The following JAKMIP1 variants were observed in gnomAD, a reference collection of about 807,000 sequenced individuals.
JAKMIP1 encodes janus kinase and microtubule interacting protein 1.
JAKMIP1 carries 33 observed loss-of-function variants against 113.0 expected under a neutral mutation model. The ratio of observed to expected loss-of-function variants is 0.29; its 90% confidence interval spans 0.22 to 0.39. The LOEUF (loss-of-function observed/expected upper bound fraction) is 0.39, where lower values mean the gene tolerates loss of function less well. Ranked by LOEUF, JAKMIP1 falls within the 10% of genes least tolerant of loss-of-function variation. JAKMIP1 has a pLI of 1.00. For synonymous variants in JAKMIP1, 480 were observed against 459.9 expected, an observed-to-expected ratio of 1.04 and a Z score of -0.56; for missense variants, 813 against 1,080.5, an observed-to-expected ratio of 0.75 and a Z score of 3.47.
In JAKMIP1 at chr4:6,083,355, A is replaced by G. The variant is rs183534098; in HGVS notation, c.954+1491T>C. Among the ~76,000 whole-genome samples the G allele has an allele frequency of 1.0e-3, 151 of 151,510 alleles. 1 individual carries two copies. The highest frequency in any genetic ancestry group is 3.4e-3 in the African/African-American group (140 of 41,204). ...GAGGCAGAGGTTGCAGTGAGCTGAGATCACATCACCTCACTCAAACCTGGG... is the reference window on the plus strand; with the variant it reads ...GAGGCAGAGGTTGCAGTGAGCTGAGGTCACATCACCTCACTCAAACCTGGG... On this transcript the variant is annotated intron_variant, in intron 5 of 20. Transcript: ENST00000409021.
Position 6,183,613 on chromosome 4 carries a change from T to G in JAKMIP1, c.-148+16640A>C, listed in dbSNP as rs1239556813. On this transcript the variant is annotated intron_variant, in intron 1 of 20. Coordinates refer to ENST00000409021, the MANE Select transcript of JAKMIP1 (RefSeq NM_001099433.2). This position sits in a 1 kb window ranked among gnomAD's most constrained non-coding sequence, Gnocchi z 5.3. ...AGTCCTGGTGCTCCTTGAAGATGTT[T>G]GGGAGGGCCAGGAGTCAAAGGTCTG... 1.3e-5 allele frequency among the ~76,000 whole-genome samples: 2 copies of G among 152,100 alleles called. No individual in the cohort carries two copies. Among genetic ancestry groups the G allele is most frequent in the African/African-American group, 2.4e-5 (1 of 41,412 alleles).
intron 3 of JAKMIP1, among the ~76,000 whole-genome samples, chr4:6,099,688 C>T (rs1712681976): frequency 6.6e-6 from 1 of 152,230 alleles, no homozygotes; most frequent in South Asian, 2.1e-4. Flanking sequence ...TCCAAGAGAA[C>T]TAAATTCCTA....
rs891992982 is a variant in JAKMIP1 at position 6,142,687 on chromosome 4, C to T, written c.-147-29690G>A. Among the ~76,000 whole-genome samples, 1 of 152,186 alleles carries T rather than the reference C, an allele frequency of 6.6e-6. No homozygotes were observed. Among genetic ancestry groups the T allele is most frequent in the African/African-American group, 2.4e-5 (1 of 41,448 alleles). On this transcript the variant is annotated intron_variant, in intron 1 of 20. Transcript: ENST00000409021. This position sits in a 1 kb window ranked among gnomAD's most constrained non-coding sequence, Gnocchi z 5.5. ...GCACAGCTCTGCTTCCCAGCCGCCA[C>T]CCTGAGGTTTCCAGGAGATGGCAAT...
chr4:6,033,925 C>G (rs1713067172), intron 19 of JAKMIP1, among the ~76,000 whole-genome samples: 1 of 152,070 alleles, frequency 6.6e-6, no homozygotes, highest in African/African-American at 2.4e-5. Context: ...GTGTGGAGAC[C>G]AGGGCTCTGG....
intron 16 of JAKMIP1, among the ~76,000 whole-genome samples, chr4:6,047,876 C>T (rs1715196164): frequency 6.6e-6 from 1 of 152,098 alleles, no homozygotes; most frequent in African/African-American, 2.4e-5. Flanking sequence ...AAAAGGCAAA[C>T]AAATCAGGAA....
intron 3 of JAKMIP1, among the ~76,000 whole-genome samples, chr4:6,100,074 C>T (rs1157484352): frequency 1.3e-5 from 2 of 152,124 alleles, no homozygotes; most frequent in African/African-American, 4.8e-5. Context: ...TTTATCAATC[C>T]TATTTAAATT....
chr4:6,053,696 G>A (rs761758000), intron 13 of JAKMIP1: 88 of 875,104 alleles, frequency 1.0e-4, no homozygotes, highest in Non-Finnish European at 1.2e-4. Flanking sequence ...CGTACCCGGT[G>A]ACTACGCATG....
chr4:6,180,132 C>T lies in JAKMIP1; in HGVS notation c.-148+20121G>A, dbSNP rs1373637445. On this transcript the variant is annotated intron_variant, in intron 1 of 20. Transcript: ENST00000409021. This position sits in a 1 kb window ranked among gnomAD's most constrained non-coding sequence, Gnocchi z 4.5. Reference sequence around the variant, plus strand: ...AAGTGCCACTGAATTAGCCCCAACACTTTCATAAACAGCAGTTTTGAAATA... The same window carrying T: ...AAGTGCCACTGAATTAGCCCCAACATTTTCATAAACAGCAGTTTTGAAATA... Among the ~76,000 whole-genome samples the T allele has an allele frequency of 6.6e-6, 1 of 152,198 alleles. No individual in the cohort carries two copies. Among genetic ancestry groups the T allele is most frequent in the African/African-American group, 2.4e-5 (1 of 41,444 alleles).
intron 3 of JAKMIP1, among the ~76,000 whole-genome samples, chr4:6,095,922 A>G (rs372151796): frequency 2.0e-5 from 3 of 152,168 alleles, no homozygotes; most frequent in East Asian, 3.8e-4. Flanking sequence ...GAGAGAGAGA[A>G]AAATATCAGA....
In JAKMIP1 at chr4:6,197,790, GAC is replaced by G. The variant is rs1368550144; in HGVS notation, c.-148+2461_-148+2462del. On this transcript the variant is annotated intron_variant, in intron 1 of 20. Coordinates refer to ENST00000409021, the MANE Select transcript of JAKMIP1 (RefSeq NM_001099433.2). The surrounding 1 kb of genome is among the most constrained non-coding windows in gnomAD (Gnocchi z 6.5). Reference sequence around the variant, plus strand: ...GGCAGTCTGGCTCAGAGCCTGAAGAGACACAAGGTCCCACCCTCGAGGAGTTA... The same window carrying G: ...GGCAGTCTGGCTCAGAGCCTGAAGAGACAAGGTCCCACCCTCGAGGAGTTA... Among the ~76,000 whole-genome samples, 4 of 152,254 alleles carry G rather than the reference GAC, an allele frequency of 2.6e-5. No individual in the cohort carries two copies. The highest frequency in any genetic ancestry group is 9.6e-5 in the African/African-American group (4 of 41,472).
intron 1 of JAKMIP1, among the ~76,000 whole-genome samples, chr4:6,131,770 C>T (rs1718546908): frequency 6.6e-6 from 1 of 152,124 alleles, no homozygotes; most frequent in Non-Finnish European, 1.5e-5. Flanking sequence ...CTGCAGAAAC[C>T]ATGCAAGCAA....
At chr4:6,099,895 G>A (rs1712713768) in intron 3 of JAKMIP1, among the ~76,000 whole-genome samples, 1 of 152,186 alleles carries the variant, frequency 6.6e-6, no homozygotes, top group African/African-American at 2.4e-5. Context: ...TTTAGTGTAT[G>A]GGATGCTACC....
rs1726384779 is a variant in JAKMIP1, at chr4:6,184,261, C to G, written c.-148+15992G>C. On this transcript the variant is annotated intron_variant, in intron 1 of 20. Transcript: ENST00000409021. This position sits in a 1 kb window ranked among gnomAD's most constrained non-coding sequence, Gnocchi z 4.5. ...TTCTCAATAGGCAGAAACCAGGTGCCCAGCACATAGCAGACACTCCACAAA... is the reference window on the plus strand; with the variant it reads ...TTCTCAATAGGCAGAAACCAGGTGCGCAGCACATAGCAGACACTCCACAAA... Among the ~76,000 whole-genome samples, 1 of 152,166 alleles carries G rather than the reference C, an allele frequency of 6.6e-6. No homozygotes were observed. Among genetic ancestry groups the G allele is most frequent in the African/African-American group, 2.4e-5 (1 of 41,438 alleles).
At chr4:6,099,220 G>A (rs1169367457) in intron 3 of JAKMIP1, among the ~76,000 whole-genome samples, 2 of 152,216 alleles carry the variant, frequency 1.3e-5, no homozygotes, top group Non-Finnish European at 2.9e-5. Context: ...TGTAACTACT[G>A]ATATGACTCC....
rs369749087 is a variant in JAKMIP1 at position 6,080,891 on chromosome 4, G to A, written c.1102-579C>T. On this transcript the variant is annotated intron_variant, in intron 6 of 20. Transcript: ENST00000409021. The surrounding 1 kb of genome is among the most constrained non-coding windows in gnomAD (Gnocchi z 6.0). The stretch of plus-strand genomic sequence containing the variant: ...GCACACTGCTGACAGGAAGGGATGC[G>A]CAGGGCCTGGGGGTGGAAGACGACA... 3.9e-5 allele frequency among the ~76,000 whole-genome samples: 6 copies of A among 152,040 alleles called. No homozygotes were observed. Among genetic ancestry groups the A allele is most frequent in the South Asian group, 4.2e-4 (2 of 4,802 alleles).
rs1239913897 is a variant in JAKMIP1 at position 6,076,090 on chromosome 4, C to T, written c.1302+2849G>A. Among the ~76,000 whole-genome samples the T allele has an allele frequency of 1.3e-5, 2 of 152,136 alleles. No individual in the cohort carries two copies. Among genetic ancestry groups the T allele is most frequent in the South Asian group, 2.1e-4 (1 of 4,826 alleles). On this transcript the variant is annotated intron_variant, in intron 8 of 20. Transcript: ENST00000409021. This position sits in a 1 kb window ranked among gnomAD's most constrained non-coding sequence, Gnocchi z 4.8. Reference sequence around the variant, plus strand: ...ACTTGGGAGGCTGAGGCAGGAGAATCGCTTGAACCTGGGAGGCAGAGGTTG... The same window carrying T: ...ACTTGGGAGGCTGAGGCAGGAGAATTGCTTGAACCTGGGAGGCAGAGGTTG...
rs948811912 is a variant in JAKMIP1 at position 6,042,789 on chromosome 4, G to T, written c.2029-562C>A. ...GAGTTGGAGCAGCCCAGAGTGCCTGGTGCCACCATGAGAGGAGGTGGAATC... is the reference window on the plus strand; with the variant it reads ...GAGTTGGAGCAGCCCAGAGTGCCTGTTGCCACCATGAGAGGAGGTGGAATC... On this transcript the variant is annotated intron_variant, in intron 16 of 20. Transcript: ENST00000409021. The surrounding 1 kb of genome is among the most constrained non-coding windows in gnomAD (Gnocchi z 5.2). Among the ~76,000 whole-genome samples, 1 of 152,060 alleles carries T rather than the reference G, an allele frequency of 6.6e-6. No homozygotes were observed. The highest frequency in any genetic ancestry group is 2.4e-5 in the African/African-American group (1 of 41,380).
At position 6,083,689 on chromosome 4, in the gene JAKMIP1, C is replaced by T. The variant is rs79243878; in HGVS notation, c.954+1157G>A. Among the ~76,000 whole-genome samples, 856 of 151,142 alleles carry T rather than the reference C, an allele frequency of 5.7e-3. 12 individuals are homozygous for T. The highest frequency in any genetic ancestry group is 0.019 in the African/African-American group (798 of 41,172). ...TAAAGTTGTGAAGAGGTGATACTTA[C>T]GGACACTTTTCACCACTCATTTTTT... On this transcript the variant is annotated intron_variant, in intron 5 of 20. Coordinates refer to ENST00000409021, the MANE Select transcript of JAKMIP1 (RefSeq NM_001099433.2).
rs182835193 is a variant in JAKMIP1 at position 6,079,203 on chromosome 4, A to G, written c.1243-205T>C. Among the ~76,000 whole-genome samples, 67 of 152,282 alleles carry G rather than the reference A, an allele frequency of 4.4e-4. 1 individual carries two copies. The highest frequency in any genetic ancestry group is 1.6e-3 in the African/African-American group (65 of 41,544). On this transcript the variant is annotated intron_variant, in intron 7 of 20. Coordinates refer to ENST00000409021, the MANE Select transcript of JAKMIP1 (RefSeq NM_001099433.2). Reference sequence around the variant, plus strand: ...CACCTTTTGACTTTATTGTTATTTCACTGAAATATATTTTTCATCCTAAGC... The same window carrying G: ...CACCTTTTGACTTTATTGTTATTTCGCTGAAATATATTTTTCATCCTAAGC...
Sources: gnomAD v4.1 joint callset for allele counts (sites outside exome capture counted in the v4.1 genomes callset) on GRCh38, gnomAD v4.1.1 for gene constraint, Gnocchi (gnomAD v3.1) non-coding constraint, MANE v1.5 for transcripts, NCBI Gene and HGNC (gene_info 2026-07-23, HGNC 2026-07-21) for gene names.